The following CRTC1 variants were observed in gnomAD, a reference collection of about 807,000 sequenced individuals.
CRTC1 encodes the protein CREB regulated transcription coactivator 1, also known as CREB-regulated transcription coactivator 1.
A neutral mutation model predicts 66.1 loss-of-function variants in CRTC1; 18 were observed. That is an observed-to-expected ratio of 0.27 (90% confidence interval 0.19 to 0.40). CRTC1 has a LOEUF of 0.40. Ranked by LOEUF, CRTC1 falls within the 10% of genes least tolerant of loss-of-function variation. The pLI is 1.00. For missense variants in CRTC1, 669 were observed against 887.9 expected (o/e 0.75, Z 3.13); for synonymous variants, 416 against 398.8 (o/e 1.04, Z -0.51).
At chr19:18,744,899 C>T (rs1464039534) in intron 2 of CRTC1, among the ~76,000 whole-genome samples, 1 of 152,198 alleles carries the variant, frequency 6.6e-6, no homozygotes, top group East Asian at 1.9e-4. Flanking sequence ...TAGCCATGGA[C>T]AGGCTTCTGG....
intron 6 of CRTC1, among the ~76,000 whole-genome samples, chr19:18,757,755 G>A (rs1362987311): frequency 2.0e-5 from 3 of 152,182 alleles, no homozygotes; most frequent in Admixed American, 2.0e-4. Context: ...AGTGGCTCAC[G>A]CCTGTAATCC....
At chr19:18,710,016 C>G (rs902923479) in intron 1 of CRTC1, among the ~76,000 whole-genome samples, 1 of 152,022 alleles carries the variant, frequency 6.6e-6, no homozygotes, top group African/African-American at 2.4e-5. Flanking sequence ...GCCCAGCACC[C>G]GCCCCCCCAC....
intron 9 of CRTC1, among the ~76,000 whole-genome samples, chr19:18,767,396 G>C (rs528178123): frequency 6.6e-6 from 1 of 152,076 alleles, no homozygotes; most frequent in Non-Finnish European, 1.5e-5. Context: ...ACAGAGTTTC[G>C]TCTTGTTGAC....
intron 6 of CRTC1, among the ~76,000 whole-genome samples, chr19:18,758,427 C>T (rs1263445850): frequency 2.0e-5 from 3 of 151,958 alleles, no homozygotes; most frequent in African/African-American, 7.2e-5. Flanking sequence ...ACTTCAAAGG[C>T]TCTGTGGGCC....
intron 2 of CRTC1, among the ~76,000 whole-genome samples, chr19:18,743,631 G>A (rs1022054473): frequency 2.2e-5 from 2 of 89,472 alleles, no homozygotes; most frequent in Non-Finnish European, 4.5e-5. Context: ...GGTCCCCCTG[G>A]GGGGGGGTCA....
At chr19:18,728,748 G>GC (rs2053816282) in intron 1 of CRTC1, among the ~76,000 whole-genome samples, 1 of 145,374 alleles carries the variant, frequency 6.9e-6, no homozygotes, top group Non-Finnish European at 1.5e-5. Flanking sequence ...CAAGTGATCT[G>GC]CCCACCTTGA....
chr19:18,774,175 G>A (rs925348483), intron 11 of CRTC1, among the ~76,000 whole-genome samples: 2 of 152,028 alleles, frequency 1.3e-5, no homozygotes, highest in African/African-American at 4.8e-5. Flanking sequence ...CCCCCTCCTC[G>A]CCTCCACACC....
intron 1 of CRTC1, among the ~76,000 whole-genome samples, chr19:18,705,878 A>G (rs2053250415): frequency 6.7e-6 from 1 of 150,234 alleles, no homozygotes; most frequent in Non-Finnish European, 1.5e-5. Context: ...GATGTTGAGC[A>G]TCTTTTCATG....
At chr19:18,733,165 G>C (rs1173907905) in intron 1 of CRTC1, among the ~76,000 whole-genome samples, 4 of 152,018 alleles carry the variant, frequency 2.6e-5, no homozygotes, top group African/African-American at 9.7e-5. Flanking sequence ...GGCCCCTCCT[G>C]TCTTCCCTTA....
chr19:18,770,495 G>A (rs897463454), intron 10 of CRTC1, among the ~76,000 whole-genome samples: 12 of 152,254 alleles, frequency 7.9e-5, no homozygotes, highest in African/African-American at 2.9e-4. Flanking sequence ...AGAGCCAGGG[G>A]ACCTGCCCAG....
intron 1 of CRTC1, among the ~76,000 whole-genome samples, chr19:18,699,714 C>T (rs747175444): frequency 6.6e-6 from 1 of 152,146 alleles, no homozygotes; most frequent in Non-Finnish European, 1.5e-5. Context: ...AAGAGCCTGG[C>T]CTCGCCTGGC....
chr19:18,691,359 A>G (rs371328559), intron 1 of CRTC1, among the ~76,000 whole-genome samples: 1 of 151,866 alleles, frequency 6.6e-6, no homozygotes, highest in South Asian at 2.1e-4. Context: ...CTACGAAAAA[A>G]AATTGTTTTT....
chr19:18,729,010 A>G (rs1253376802), intron 1 of CRTC1, among the ~76,000 whole-genome samples: 2 of 148,104 alleles, frequency 1.4e-5, no homozygotes, highest in Non-Finnish European at 1.5e-5. Context: ...ACAGGGTTCC[A>G]CCATGTTGGC....
rs187158624 is a variant in CRTC1, at chr19:18,759,616, G to T, written c.665+25G>T. ...AGTAAGTCTCCACAGGGCCCACCCCGCACACTGCATCTGCTGCGCTGCTCC... is the reference window on the plus strand; with the variant it reads ...AGTAAGTCTCCACAGGGCCCACCCCTCACACTGCATCTGCTGCGCTGCTCC... On this transcript the variant is annotated intron_variant, in intron 7 of 13. Coordinates refer to ENST00000321949, the MANE Select transcript of CRTC1 (RefSeq NM_015321.3). 11 of 1,610,356 alleles carry T rather than the reference G, an allele frequency of 6.8e-6. No homozygotes were observed. The South Asian group carries it at 9.9e-5, about 15-fold the overall frequency.
intron 5 of CRTC1, among the ~76,000 whole-genome samples, chr19:18,751,076 G>A (rs1465283561): frequency 3.3e-5 from 5 of 152,140 alleles, no homozygotes; most frequent in African/African-American, 7.2e-5. Context: ...CACTCTCCTC[G>A]GAGCGCCTGA....
rs533265671 is a variant in CRTC1, at chr19:18,698,778, A to G, written c.126+14950A>G. 4.0e-5 allele frequency among the ~76,000 whole-genome samples: 6 copies of G among 151,450 alleles called. No homozygotes were observed. The South Asian group carries it at 1.0e-3, about 26-fold the overall frequency. ...TTCCACAGGTGCACAATGTGTATAC[A>G]GGTGCTCAGCAGGCGTACAGTGTTC... On this transcript the variant is annotated intron_variant, in intron 1 of 13. Coordinates refer to ENST00000321949, the MANE Select transcript of CRTC1 (RefSeq NM_015321.3).
In CRTC1 at chr19:18,780,311, CCT is replaced by C; in HGVS notation, c.*2931_*2932del. ...ACGGCGAAGTTCAGCCAGGGCTCTC[CCT>C]CCTGAGAGCATGGCGTCCCCACCTT... is the stretch of plus-strand genomic sequence containing the variant. On this transcript the variant is annotated 3_prime_UTR_variant, in exon 14 of 14. Coordinates refer to ENST00000321949, the MANE Select transcript of CRTC1 (RefSeq NM_015321.3). 4.3e-6 allele frequency: 1 copy of C among 231,772 alleles called. No individual in the cohort carries two copies. Among genetic ancestry groups the C allele is most frequent in the Non-Finnish European group, 8.5e-6 (1 of 117,146 alleles). The allele number at this position is 231,772 out of a possible 1,614,324, so 14.4% of individuals were successfully genotyped here.
chr19:18,700,857 G>A (rs943374248), intron 1 of CRTC1, among the ~76,000 whole-genome samples: 3 of 152,226 alleles, frequency 2.0e-5, no homozygotes, highest in Admixed American at 6.5e-5. Flanking sequence ...GTCTGCTTCA[G>A]CGTCTCTTTC....
intron 1 of CRTC1, among the ~76,000 whole-genome samples, chr19:18,729,526 T>C (rs533757905): frequency 2.0e-5 from 3 of 151,526 alleles, no homozygotes; most frequent in South Asian, 2.1e-4. Flanking sequence ...AGGAGGATCA[T>C]TGGAGCTCCG....
Sources: allele counts gnomAD v4.1 joint callset (sites outside exome capture counted in the v4.1 genomes callset), GRCh38; gene constraint gnomAD v4.1.1; transcripts MANE v1.5; gene names NCBI Gene and HGNC (gene_info 2026-07-23, HGNC 2026-07-21).